The following CDNF variants were observed in gnomAD, a reference collection of about 807,000 sequenced individuals.
CDNF encodes ARMET-like protein 1.
Under a neutral mutation model 14.8 loss-of-function variants are expected in CDNF, and 9 were observed. The ratio of observed to expected loss-of-function variants is 0.61; its 90% CI spans 0.37 to 1.06. The LOEUF is 1.06. Among genes scored for constraint, CDNF ranks in the 50% least tolerant of loss-of-function variants. The pLI, the probability that CDNF is intolerant of heterozygous loss-of-function variation, is 0.01. For missense variants in CDNF, 228 were observed against 228.4 expected (o/e 1.00, Z 0.01); for synonymous variants, 86 against 87.2 (o/e 0.99, Z 0.07).
At position 14,825,593 on chromosome 10, in the gene CDNF, C is replaced by T. The variant is rs147031877; in HGVS notation, c.271G>A (p.Ala91Thr). 2.5e-5 allele frequency: 40 copies of T among 1,613,834 alleles called. No homozygotes were observed. Among genetic ancestry groups the T allele is most frequent in the East Asian group, 6.7e-5 (3 of 44,882 alleles). The change falls in exon 3 of 4, where the codon GCA becomes ACA. Residue 91 changes from alanine (A) to threonine (T), a missense_variant. Ala to Thr is a moderately conservative substitution (Grantham distance 58). Transcript: ENST00000465530. ...ACTTCACTTAGGATCTTTGTGGCTG[C>T]GTCTTTTGTGGCTCCTAGATAATAG... is the stretch of plus-strand genomic sequence containing the variant. The part of the protein sequence containing the change: ...LCYYLGATKD[A>T]ATKILSEVTR...
intron 1 of CDNF, 152 bp downstream of exon 1, chr10:14,837,680 G>A (rs1437764552): frequency 1.1e-5 from 6 of 567,452 alleles, no homozygotes; most frequent in Admixed American, 9.2e-5. Context: ...CTTTTTACTC[G>A]AGCTGGGCTT....
intron 3 of CDNF, among the ~76,000 whole-genome samples, chr10:14,825,110 C>T (rs1431034680): frequency 6.6e-6 from 1 of 152,010 alleles, no homozygotes; most frequent in Non-Finnish European, 1.5e-5. Context: ...CCCGCCACCA[C>T]ACCCGGCTAA....
intron 2 of CDNF, among the ~76,000 whole-genome samples, chr10:14,826,858 A>G (rs775170642): frequency 6.6e-6 from 1 of 152,142 alleles, no homozygotes; most frequent in Non-Finnish European, 1.5e-5. Flanking sequence ...TCTAGAGCCC[A>G]TGTCTTTTCC....
chr10:14,820,213 T>A (rs1444803089), intron 3 of CDNF, 55 bp from the exon 4 acceptor site: 2 of 1,561,982 alleles, frequency 1.3e-6, no homozygotes, highest in African/African-American at 2.7e-5. Context: ...AAAAAATCCC[T>A]ATGAATCACT....
chr10:14,830,371 C>T (rs961081300), intron 1 of CDNF, among the ~76,000 whole-genome samples: 15 of 152,160 alleles, frequency 9.9e-5, no homozygotes, highest in Non-Finnish European at 1.8e-4. Context: ...CCTGATTATT[C>T]CAATACCTGA....
chr10:14,830,778 G>A (rs764235148), intron 1 of CDNF, among the ~76,000 whole-genome samples: 6 of 150,356 alleles, frequency 4.0e-5, no homozygotes, highest in African/African-American at 7.4e-5. Flanking sequence ...CCCGGGAGGC[G>A]GAGGTTGCAG....
At chr10:14,820,731 C>CA (rs56334450) in intron 3 of CDNF, among the ~76,000 whole-genome samples, 113 of 147,178 alleles carry the variant, frequency 7.7e-4, no homozygotes, top group Middle Eastern at 6.9e-3. Flanking sequence ...GACTCTGTCT[C>CA]AAAAAAAAAA....
intron 3 of CDNF, 137 bp downstream of exon 3, chr10:14,825,342 T>C: frequency 1.3e-6 from 1 of 796,708 alleles, no homozygotes; most frequent in South Asian, 1.7e-5. Context: ...ATAGGTACCA[T>C]TCATCAGCCA....
intron 2 of CDNF, 105 bp from the exon 3 acceptor site, chr10:14,825,725 ATG>A: frequency 8.0e-7 from 1 of 1,243,906 alleles, no homozygotes; most frequent in Non-Finnish European, 1.1e-6. Context: ...TAGGCTGGAC[ATG>A]GTGGCTCACG....
At chr10:14,831,107 T>C (rs535019593) in intron 1 of CDNF, among the ~76,000 whole-genome samples, 204 of 152,288 alleles carry the variant, frequency 1.3e-3, no homozygotes, top group Non-Finnish European at 2.5e-3. Flanking sequence ...TGGAAATAGG[T>C]TGTAGTTACT....
intron 1 of CDNF, among the ~76,000 whole-genome samples, chr10:14,831,774 C>T (rs1833845961): frequency 6.6e-6 from 1 of 152,052 alleles, no homozygotes; most frequent in African/African-American, 2.4e-5. Context: ...CAGGGTTTCA[C>T]CATGTTGGCC....
intron 2 of CDNF, among the ~76,000 whole-genome samples, chr10:14,827,032 A>G (rs1320340923): frequency 6.8e-6 from 1 of 147,356 alleles, no homozygotes; most frequent in East Asian, 2.0e-4. Flanking sequence ...CCTGGGCTAC[A>G]AGGCCAAACC....
At chr10:14,826,119 C>CAGCAGCAGCAGCAGA (rs1564313519) in intron 2 of CDNF, among the ~76,000 whole-genome samples, 8 of 118,364 alleles carry the variant, frequency 6.8e-5, no homozygotes, top group Non-Finnish European at 8.4e-5. Flanking sequence ...GCAGCAGCAG[C>CAGCAGCAGCAGCAGA]AGCAGAAGCA....
chr10:14,835,839 C>A (rs573002372), intron 1 of CDNF, among the ~76,000 whole-genome samples: 1 of 152,074 alleles, frequency 6.6e-6, no homozygotes, highest in African/African-American at 2.4e-5. Flanking sequence ...CAATTTGAAT[C>A]GGGGGCAGAG....
intron 2 of CDNF, 55 bp from the exon 3 acceptor site, chr10:14,825,675 A>G: frequency 6.4e-7 from 1 of 1,561,980 alleles, no homozygotes; most frequent in East Asian, 2.2e-5. Context: ...ATTCAGTATC[A>G]TTCCAGTAAT....
At chr10:14,825,455 G>GGAAAAA in intron 3 of CDNF, 24 bp downstream of exon 3, 1 of 1,606,030 alleles carries the variant, frequency 6.2e-7, no homozygotes. Context: ...GACCTACTGG[G>GGAAAAA]AAAAACACGG....
chr10:14,833,834 A>T (rs1588799448), intron 1 of CDNF, among the ~76,000 whole-genome samples: 1 of 152,222 alleles, frequency 6.6e-6, no homozygotes, highest in East Asian at 1.9e-4. Context: ...AAAGACGGAA[A>T]GGAGCAGCCA....
intron 1 of CDNF, among the ~76,000 whole-genome samples, chr10:14,835,255 T>A (rs1157857906): frequency 6.6e-6 from 1 of 152,164 alleles, no homozygotes; most frequent in African/African-American, 2.4e-5. Context: ...TAGGTTGGTT[T>A]GGGTTGCCAA....
chr10:14,826,260 T>TAGAAGAAGCAGC (rs1280613788), intron 2 of CDNF, among the ~76,000 whole-genome samples: 16 of 100,074 alleles, frequency 1.6e-4, no homozygotes, highest in Non-Finnish European at 3.3e-4. Context: ...TAAGAAGCAG[T>TAGAAGAAGCAGC]AGAAGAAGCA....
Sources: gnomAD v4.1 joint callset for allele counts (sites outside exome capture counted in the v4.1 genomes callset) on GRCh38, gnomAD v4.1.1 for gene constraint, MANE v1.5 for transcripts, NCBI Gene and HGNC (gene_info 2026-07-23, HGNC 2026-07-21) for gene names.